Variants in STIL observed in about 807,000 individuals in gnomAD.
STIL encodes STIL centriolar assembly protein, also known as SCL-interrupting locus protein.
STIL carries 55 observed loss-of-function variants against 110.1 expected under a neutral mutation model. That is an observed-to-expected ratio of 0.50 (90% CI 0.40 to 0.63). The LOEUF is 0.63. Ranked by LOEUF, STIL falls within the 20% of genes least tolerant of loss-of-function variation. The pLI, the probability that STIL is intolerant of heterozygous loss-of-function variation, is 0.00. For missense variants in STIL, 1,358 were observed against 1,530.0 expected (o/e 0.89, Z 1.87); for synonymous variants, 481 against 530.0 (o/e 0.91, Z 1.27).
At chr1:47,259,677 T>A (rs1644429988) in intron 16 of STIL, among the ~76,000 whole-genome samples, 1 of 152,214 alleles carries the variant, frequency 6.6e-6, no homozygotes, top group Non-Finnish European at 1.5e-5. Flanking sequence ...GTATTGTTTT[T>A]TAAAACCATG....
chr1:47,279,133 T>TA (rs377224213), intron 12 of STIL, among the ~76,000 whole-genome samples: 34 of 151,730 alleles, frequency 2.2e-4, no homozygotes, highest in Middle Eastern at 3.4e-3. Context: ...CCGTCTCTAC[T>TA]AAAAAAATAC....
At position 47,262,971 on chromosome 1, in the gene STIL, T is replaced by C; in HGVS notation, c.2761A>G (p.Ile921Val). 3 of 1,614,200 alleles carry C rather than the reference T, an allele frequency of 1.9e-6. No homozygotes were observed. The highest frequency in any genetic ancestry group is 1.3e-5 in the African/African-American group (1 of 75,050). The change falls in exon 15 of 17, where the codon ATT becomes GTT. Residue 921 changes from isoleucine (I) to valine (V), a missense_variant. Ile to Val is a conservative substitution (Grantham distance 29). Coordinates refer to ENST00000371877, the MANE Select transcript of STIL (RefSeq NM_001048166.1). The part of the protein sequence containing the change: ...NNSETSEEPK[I>V]EHVMQPLLHQ... Reference sequence around the variant, plus strand: ...AGCAAGGGTTGCATTACATGCTCAATTTTTGGTTCCTCTGATGTTTCAGAA... The same window carrying C: ...AGCAAGGGTTGCATTACATGCTCAACTTTTGGTTCCTCTGATGTTTCAGAA...
At position 47,287,489 on chromosome 1, in the gene STIL, C is replaced by T. The variant is rs146214531; in HGVS notation, c.1133+62G>A. ...AGAAATAATTTAGTTATTTTACTCACCAAAAACTAATAAATATAATTTTTA... is the reference window on the plus strand; with the variant it reads ...AGAAATAATTTAGTTATTTTACTCATCAAAAACTAATAAATATAATTTTTA... On this transcript the variant is annotated intron_variant, in intron 10 of 16. Coordinates refer to ENST00000371877, the MANE Select transcript of STIL (RefSeq NM_001048166.1). 637 of 1,097,516 alleles carry T rather than the reference C, an allele frequency of 5.8e-4. 9 individuals carry two copies. In the East Asian group the frequency reaches 0.016, roughly 28 times the overall value. The allele number at this position is 1,097,516 out of a possible 1,614,324, so 68.0% of individuals were successfully genotyped here.
At chr1:47,264,141 A>G (rs1644567809) in intron 14 of STIL, among the ~76,000 whole-genome samples, 1 of 152,250 alleles carries the variant, frequency 6.6e-6, no homozygotes, top group African/African-American at 2.4e-5. Context: ...ATTAAAGATT[A>G]CAAGGGTCCT....
chr1:47,286,849 T>C (rs569052591), intron 10 of STIL, among the ~76,000 whole-genome samples: 53 of 152,240 alleles, frequency 3.5e-4, no homozygotes, highest in Non-Finnish European at 6.6e-4. Context: ...ACATTTCCTA[T>C]GTGATTTCTC....
At position 47,251,845 on chromosome 1, in the gene STIL, C is replaced by T; in HGVS notation, c.3158G>A (p.Gly1053Asp). The T allele has an allele frequency of 6.2e-7, 1 of 1,607,302 alleles. No individual in the cohort carries two copies. Among genetic ancestry groups the T allele is most frequent in the Non-Finnish European group, 8.5e-7 (1 of 1,177,140 alleles). The change falls in exon 17 of 17, where the codon GGC becomes GAC. Residue 1053 changes from glycine (G) to aspartate (D), a missense_variant. By Grantham distance (94) the Gly-to-Asp change is moderately conservative. Transcript: ENST00000371877. Reference sequence around the variant, plus strand: ...CAAATCCACACCATTGGGGCTTAAGCCGCTCATGCCAACATTAGCAAATGA... The same window carrying T: ...CAAATCCACACCATTGGGGCTTAAGTCGCTCATGCCAACATTAGCAAATGA... The part of the protein sequence containing the change: ...CMSFANVGMS[G>D]LSPNGVDLSM...
intron 12 of STIL, among the ~76,000 whole-genome samples, chr1:47,274,089 G>A (rs1480242400): frequency 1.7e-5 from 1 of 59,672 alleles, no homozygotes; most frequent in Non-Finnish European, 3.6e-5. Context: ...TACTAAGTAA[G>A]CACTTTACAC....
Position 47,280,941 on chromosome 1 carries a change from C to T in STIL, c.1517G>A (p.Arg506Lys). 5 of 1,614,046 alleles carry T rather than the reference C, an allele frequency of 3.1e-6. No homozygotes were observed. Among genetic ancestry groups the T allele is most frequent in the Non-Finnish European group, 4.2e-6 (5 of 1,180,010 alleles). Residue 506 changes from arginine (R) to lysine (K), a missense_variant, in exon 12 of 17, where the codon AGA becomes AAA. Physicochemically the swap from Arg to Lys is conservative, Grantham distance 26 (BLOSUM62 2). Coordinates refer to ENST00000371877, the MANE Select transcript of STIL (RefSeq NM_001048166.1). ...KPALLRHCKV[R>K]QPPAYKKGNP... ...CCCTTTCTTATAGGCAGGTGGCTGT[C>T]TTACTTTGCAGTGTCTCAAAAGAGC...
intron 4 of STIL, 96 bp downstream of exon 4, chr1:47,302,138 C>T: frequency 1.1e-6 from 1 of 894,892 alleles, no homozygotes; most frequent in Non-Finnish European, 1.8e-6. Flanking sequence ...GCAAGCTGGT[C>T]TTAAACTCCT....
chr1:47,256,926 G>A (rs1644346905), intron 16 of STIL, among the ~76,000 whole-genome samples: 1 of 151,936 alleles, frequency 6.6e-6, no homozygotes, highest in Admixed American at 6.6e-5. Context: ...AAGCCGGGAG[G>A]TGAAGGTTAT....
intron 6 of STIL, among the ~76,000 whole-genome samples, chr1:47,297,702 C>G (rs947794883): frequency 6.6e-6 from 1 of 151,912 alleles, no homozygotes; most frequent in Non-Finnish European, 1.5e-5. Flanking sequence ...ACCCTCCTGC[C>G]TCACTCTCCC....
intron 14 of STIL, among the ~76,000 whole-genome samples, chr1:47,263,591 CT>C (rs1393284361): frequency 6.6e-6 from 1 of 152,116 alleles, no homozygotes; most frequent in Non-Finnish European, 1.5e-5. Flanking sequence ...TGCATATAAA[CT>C]AAACCATGGT....
At chr1:47,308,921 G>A (rs1477944501) in intron 2 of STIL, among the ~76,000 whole-genome samples, 1 of 151,764 alleles carries the variant, frequency 6.6e-6, no homozygotes, top group African/African-American at 2.4e-5. Flanking sequence ...GCATGGTGGC[G>A]CACGCCTGTA....
chr1:47,269,580 T>C, intron 14 of STIL, 55 bp downstream of exon 14: 2 of 1,417,620 alleles, frequency 1.4e-6, no homozygotes, highest in South Asian at 1.2e-5. Flanking sequence ...TATTTGTCTA[T>C]CAAAAAAAAT....
intron 16 of STIL, among the ~76,000 whole-genome samples, chr1:47,258,703 T>C (rs911507576): frequency 2.0e-5 from 3 of 151,978 alleles, no homozygotes; most frequent in African/African-American, 7.2e-5. Context: ...CAAGACACCA[T>C]CTCTGCAAAA....
At position 47,282,351 on chromosome 1, in the gene STIL, A is replaced by T. The variant is rs1290181046; in HGVS notation, c.1242T>A (p.Ser414Arg). 6.2e-7 allele frequency: 1 copy of T among 1,602,344 alleles called. No individual in the cohort carries two copies. Among genetic ancestry groups the T allele is most frequent in the South Asian group, 1.1e-5 (1 of 90,878 alleles). ...ATTTTAAAATCAGTGATACCTTCTG[A>T]CTCACTGGATGAGGACTAGGAATTG... ...PRPIPSPHPVSQKISKIQPSV... is the reference protein window; with the variant it reads ...PRPIPSPHPVRQKISKIQPSV... The change falls in exon 11 of 17, where the codon AGT (serine) becomes AGA (arginine). Residue 414 changes from serine to arginine, a missense_variant. Transcript: ENST00000371877.
At chr1:47,282,727 C>A (rs1645186564) in intron 10 of STIL, 3 of 393,074 alleles carry the variant, frequency 7.6e-6, no homozygotes, top group Non-Finnish European at 1.4e-5. Flanking sequence ...AGTCACTGGG[C>A]ACCCTCTAGT....
chr1:47,294,703 T>TA (rs1008746332), intron 7 of STIL, among the ~76,000 whole-genome samples: 1 of 151,908 alleles, frequency 6.6e-6, no homozygotes, highest in African/African-American at 2.4e-5. Flanking sequence ...TATACATATA[T>TA]AAAAAAAAGT....
chr1:47,292,178 T>C (rs1645512260), intron 8 of STIL, among the ~76,000 whole-genome samples: 1 of 152,014 alleles, frequency 6.6e-6, no homozygotes, highest in South Asian at 2.1e-4. Context: ...TCTGGGGACC[T>C]TTATTTTGTT....
Sources: allele counts gnomAD v4.1 joint callset (sites outside exome capture counted in the v4.1 genomes callset), GRCh38; gene constraint gnomAD v4.1.1; transcripts MANE v1.5; gene names NCBI Gene and HGNC (gene_info 2026-07-23, HGNC 2026-07-21).